Variants in FSHR observed in about 807,000 individuals in gnomAD.
FSHR encodes the protein follicle stimulating hormone receptor, also known as follicle-stimulating hormone receptor.
FSHR carries 46 observed loss-of-function variants against 52.1 expected under a neutral mutation model. The observed-to-expected ratio is 0.88, with a 90% confidence interval of 0.70 to 1.13. The LOEUF (loss-of-function observed/expected upper bound fraction) is 1.13, where lower values mean the gene tolerates loss of function less well. Ranked by LOEUF, FSHR falls within the 50% of genes most tolerant of loss-of-function variation. The pLI is 0.00. For synonymous variants in FSHR, 399 were observed against 309.6 expected, an observed-to-expected ratio of 1.29 and a Z score of -3.03; for missense variants, 964 against 834.6, an observed-to-expected ratio of 1.16 and a Z score of -1.91.
chr2:48,995,466 C>T (rs1203751675), intron 4 of FSHR, among the ~76,000 whole-genome samples: 1 of 152,054 alleles, frequency 6.6e-6, no homozygotes, highest in Non-Finnish European at 1.5e-5. Context: ...ATATCCGGAC[C>T]ACACGAGGTG....
intron 8 of FSHR, among the ~76,000 whole-genome samples, chr2:48,979,034 T>C (rs563690062): frequency 1.3e-5 from 2 of 152,270 alleles, no homozygotes; most frequent in East Asian, 3.9e-4. Flanking sequence ...ATTCCCAATA[T>C]TGGTCCTAGG....
chr2:48,999,571 T>C (rs111860651), intron 4 of FSHR, among the ~76,000 whole-genome samples: 3,206 of 152,190 alleles, frequency 0.021, 103 homozygotes, highest in African/African-American at 0.072. Flanking sequence ...GTTTTATTCC[T>C]GAAGAGGGCC....
At chr2:49,076,092 AG>A (rs1669940392) in intron 1 of FSHR, among the ~76,000 whole-genome samples, 1 of 152,212 alleles carries the variant, frequency 6.6e-6, no homozygotes, top group Non-Finnish European at 1.5e-5. Context: ...TAAAAAAATA[AG>A]GTCAGTACCA....
At chr2:48,977,596 T>A (rs6752625) in intron 8 of FSHR, among the ~76,000 whole-genome samples, 2 of 152,242 alleles carry the variant, frequency 1.3e-5, no homozygotes, top group African/African-American at 4.8e-5. Flanking sequence ...TGACAAGGGT[T>A]TATTAGGCAT....
chr2:49,057,022 A>T (rs967416110), intron 2 of FSHR, among the ~76,000 whole-genome samples: 1 of 152,118 alleles, frequency 6.6e-6, no homozygotes, highest in African/African-American at 2.4e-5. Flanking sequence ...ATTAAGAGGC[A>T]AGTTTATATC....
chr2:49,115,388 A>T (rs1417337715), intron 1 of FSHR, among the ~76,000 whole-genome samples: 1 of 152,148 alleles, frequency 6.6e-6, no homozygotes, highest in African/African-American at 2.4e-5. Flanking sequence ...AGCAGACACT[A>T]TTCTAGCTTT....
intron 2 of FSHR, among the ~76,000 whole-genome samples, chr2:49,067,467 G>C (rs1669550729): frequency 2.0e-5 from 3 of 152,010 alleles, no homozygotes; most frequent in East Asian, 1.9e-4. Context: ...TCTATTCATT[G>C]CTATACTTAC....
At chr2:49,049,942 G>C (rs1668795617) in intron 2 of FSHR, among the ~76,000 whole-genome samples, 1 of 151,748 alleles carries the variant, frequency 6.6e-6, no homozygotes. Flanking sequence ...GATCTGGGCA[G>C]TTCTTAGATA....
chr2:49,005,100 T>C (rs1249656754), intron 4 of FSHR, among the ~76,000 whole-genome samples: 1 of 152,104 alleles, frequency 6.6e-6, no homozygotes, highest in Admixed American at 6.5e-5. Context: ...AGTCTGAATA[T>C]GTTGATATAA....
chr2:48,963,251 T>C lies in FSHR; in HGVS notation c.1570A>G (p.Ser524Gly). The change falls in exon 10 of 10, where the codon AGC becomes GGC. Residue 524 changes from serine (S) to glycine (G), a missense_variant. By Grantham distance (56) the Ser-to-Gly change is moderately conservative. Coordinates refer to ENST00000406846, the MANE Select transcript of FSHR (RefSeq NM_000145.4). ...VSICLPMDID[S>G]PLSQLYVMSL... ...ATGACATACAGCTGTGACAAAGGGCTGTCAATATCCATGGGCAGGCAGATG... is the reference window on the plus strand; with the variant it reads ...ATGACATACAGCTGTGACAAAGGGCCGTCAATATCCATGGGCAGGCAGATG... The C allele has an allele frequency of 4.3e-6, 7 of 1,614,156 alleles. No homozygotes were observed. The highest frequency in any genetic ancestry group is 5.9e-6 in the Non-Finnish European group (7 of 1,180,014).
At chr2:49,003,942 G>A (rs921025936) in intron 4 of FSHR, among the ~76,000 whole-genome samples, 1 of 152,134 alleles carries the variant, frequency 6.6e-6, no homozygotes, top group Non-Finnish European at 1.5e-5. Flanking sequence ...AGGGATAATT[G>A]CAAATCTAAA....
At chr2:49,011,947 G>C (rs1667290112) in intron 4 of FSHR, among the ~76,000 whole-genome samples, 1 of 152,092 alleles carries the variant, frequency 6.6e-6, no homozygotes, top group African/African-American at 2.4e-5. Flanking sequence ...TGAGGGTTGG[G>C]AAAGAAACAG....
intron 6 of FSHR, among the ~76,000 whole-genome samples, chr2:48,987,965 C>T (rs1266201638): frequency 6.6e-6 from 1 of 151,916 alleles, no homozygotes; most frequent in African/African-American, 2.4e-5. Context: ...TGAATACATT[C>T]CTTTGATTTA....
At chr2:49,060,980 G>T (rs1393711303) in intron 2 of FSHR, among the ~76,000 whole-genome samples, 2 of 151,984 alleles carry the variant, frequency 1.3e-5, no homozygotes, top group African/African-American at 4.8e-5. Flanking sequence ...GGTATATTTG[G>T]CTCAGGTTCT....
Position 48,963,700 on chromosome 2 carries a change from A to T in FSHR, c.1121T>A (p.Ile374Asn), listed in dbSNP as rs1674341013. ...ILRVLIWFISILAITGNIIVL... is the reference protein window; with the variant it reads ...ILRVLIWFISNLAITGNIIVL... Reference sequence around the variant, plus strand: ...TATGATGTTCCCAGTGATGGCCAGGATGCTGATAAACCATATCAGGACTCT... The same window carrying T: ...TATGATGTTCCCAGTGATGGCCAGGTTGCTGATAAACCATATCAGGACTCT... The change falls in exon 10 of 10, where the codon ATC becomes AAC. Residue 374 changes from isoleucine (I) to asparagine (N), a missense_variant. Coordinates refer to ENST00000406846, the MANE Select transcript of FSHR (RefSeq NM_000145.4). 1 of 1,614,192 alleles carries T rather than the reference A, an allele frequency of 6.2e-7. No homozygotes were observed. Among genetic ancestry groups the T allele is most frequent in the Non-Finnish European group, 8.5e-7 (1 of 1,180,024 alleles).
chr2:48,973,278 G>A (rs949790478), intron 8 of FSHR, among the ~76,000 whole-genome samples: 8 of 133,290 alleles, frequency 6.0e-5, no homozygotes, highest in Non-Finnish European at 9.4e-5. Flanking sequence ...ACATGCACAT[G>A]CAAATGCACA....
At chr2:49,132,429 T>G (rs961618670) in intron 1 of FSHR, among the ~76,000 whole-genome samples, 3 of 152,218 alleles carry the variant, frequency 2.0e-5, no homozygotes, top group Admixed American at 1.3e-4. Flanking sequence ...TTTTCAGTTG[T>G]AATTTTATTT....
At chr2:49,153,806 T>G (rs1358240551) in intron 1 of FSHR, among the ~76,000 whole-genome samples, 3 of 152,156 alleles carry the variant, frequency 2.0e-5, no homozygotes, top group African/African-American at 7.2e-5. Context: ...AATTATTTGC[T>G]GCTGCCTTCA....
chr2:49,024,314 C>G (rs1036041626), intron 2 of FSHR, among the ~76,000 whole-genome samples: 3 of 151,966 alleles, frequency 2.0e-5, no homozygotes, highest in Admixed American at 1.3e-4. Context: ...GTGGCTTATG[C>G]CTGTAATCCC....
Sources: gnomAD v4.1 joint callset for allele counts (sites outside exome capture counted in the v4.1 genomes callset) on GRCh38, gnomAD v4.1.1 for gene constraint, MANE v1.5 for transcripts, NCBI Gene and HGNC (gene_info 2026-07-23, HGNC 2026-07-21) for gene names.